Variants in RBFOX1 observed in about 807,000 individuals in gnomAD.
The protein encoded by RBFOX1 is RNA binding protein fox-1 homolog 1.
A neutral mutation model predicts 57.7 loss-of-function variants in RBFOX1; 8 were observed. That is an observed-to-expected ratio of 0.14 (90% CI 0.08 to 0.25). The LOEUF (loss-of-function observed/expected upper bound fraction) is 0.25, where lower values mean the gene tolerates loss of function less well. Ranked by LOEUF, RBFOX1 falls within the 10% of genes least tolerant of loss-of-function variation. RBFOX1 has a pLI of 1.00. For synonymous variants in RBFOX1, 326 were observed against 222.4 expected (o/e 1.47, Z -4.15); for missense variants, 611 against 548.5 (o/e 1.11, Z -1.14).
intron 3 of RBFOX1, among the ~76,000 whole-genome samples, chr16:6,766,331 G>T (rs1315210425): frequency 6.6e-6 from 1 of 151,886 alleles, no homozygotes; most frequent in Admixed American, 6.6e-5. Context: ...TTAATGTTCA[G>T]AGTGGAAAAG....
At chr16:6,602,656 A>G (rs2097867608) in intron 2 of RBFOX1, among the ~76,000 whole-genome samples, 1 of 152,122 alleles carries the variant, frequency 6.6e-6, no homozygotes, top group Non-Finnish European at 1.5e-5. Flanking sequence ...GTGGCCAGGT[A>G]CTCACTGATG....
At chr16:5,887,743 C>A (rs1597646417) in intron 4 of RBFOX1, among the ~76,000 whole-genome samples, 1 of 152,056 alleles carries the variant, frequency 6.6e-6, no homozygotes, top group African/African-American at 2.4e-5. Flanking sequence ...AATGTAGGGC[C>A]AGAGACAGGG....
chr16:5,831,879 C>A (rs1024175670), intron 3 of RBFOX1, among the ~76,000 whole-genome samples: 2 of 152,094 alleles, frequency 1.3e-5, no homozygotes, highest in South Asian at 4.1e-4. Context: ...GTGAATGACC[C>A]CATGCTTGGA....
At chr16:7,465,424 A>G (rs528976502) in intron 4 of RBFOX1, among the ~76,000 whole-genome samples, 2 of 152,326 alleles carry the variant, frequency 1.3e-5, no homozygotes, top group South Asian at 2.1e-4. Context: ...TGTAAGTGAA[A>G]TAGGTGTTTG....
intron 3 of RBFOX1, among the ~76,000 whole-genome samples, chr16:6,774,618 T>C (rs958681955): frequency 1.3e-5 from 2 of 152,166 alleles, no homozygotes; most frequent in African/African-American, 4.8e-5. Flanking sequence ...GAGTCATCTA[T>C]AGGAATTAAT....
At chr16:6,104,428 A>G (rs2096353203) in intron 1 of RBFOX1, among the ~76,000 whole-genome samples, 1 of 152,226 alleles carries the variant, frequency 6.6e-6, no homozygotes, top group African/African-American at 2.4e-5. Flanking sequence ...AAATGGTTTT[A>G]TAGAGGTATA....
At chr16:7,096,857 G>C (rs888483054) in intron 4 of RBFOX1, among the ~76,000 whole-genome samples, 3 of 150,700 alleles carry the variant, frequency 2.0e-5, no homozygotes, top group Non-Finnish European at 4.4e-5. Flanking sequence ...ACTTGAACCC[G>C]GGAGGCGGAG....
chr16:6,793,076 C>A (rs550189447), intron 3 of RBFOX1, among the ~76,000 whole-genome samples: 1 of 151,798 alleles, frequency 6.6e-6, no homozygotes, highest in South Asian at 2.1e-4. Flanking sequence ...CTGTTAGCCA[C>A]TTGGATGCTC....
intron 1 of RBFOX1, among the ~76,000 whole-genome samples, chr16:6,134,202 G>C (rs1168048493): frequency 1.3e-5 from 2 of 152,082 alleles, no homozygotes; most frequent in Non-Finnish European, 2.9e-5. Context: ...CTCCCAAAGT[G>C]TTGGGATTAC....
At chr16:7,205,473 A>G (rs902933493) in intron 4 of RBFOX1, among the ~76,000 whole-genome samples, 5 of 151,090 alleles carry the variant, frequency 3.3e-5, no homozygotes, top group Non-Finnish European at 5.9e-5. Context: ...AGATCATGCC[A>G]TTGCACTCCA....
chr16:5,469,466 G>C (rs906558361), intron 2 of RBFOX1, among the ~76,000 whole-genome samples: 1 of 152,190 alleles, frequency 6.6e-6, no homozygotes, highest in Non-Finnish European at 1.5e-5. Flanking sequence ...TACGCTGCCT[G>C]AGTGATGGCA....
chr16:7,052,049 C>G lies in RBFOX1; in HGVS notation c.-15-8C>G, dbSNP rs1393596003. On this transcript the variant is annotated splice_region_variant and splice_polypyrimidine_tract_variant and intron_variant, in intron 3 of 15. Coordinates refer to ENST00000550418, the MANE Select transcript of RBFOX1 (RefSeq NM_018723.4). ...TGACTTTTCCCCTTCATTTTCTTTT[C>G]TTTCTAGGTTTCAAGACAACAGATG... 6.2e-7 allele frequency: 1 copy of G among 1,611,320 alleles called. No homozygotes were observed. The highest frequency in any genetic ancestry group is 8.5e-7 in the Non-Finnish European group (1 of 1,178,880).
intron 1 of RBFOX1, among the ~76,000 whole-genome samples, chr16:6,052,807 AATAAT>A (rs2095568838): frequency 1.4e-5 from 1 of 74,016 alleles, no homozygotes; most frequent in Non-Finnish European, 4.0e-5. Flanking sequence ...AATAAAATAT[AATAAT>A]AATAATAATA....
chr16:7,304,085 T>G, intron 4 of RBFOX1: 1 of 477,496 alleles, frequency 2.1e-6, no homozygotes, highest in Non-Finnish European at 2.7e-6. Flanking sequence ...CCCGCAAGTG[T>G]TTTAGTTGGA....
intron 1 of RBFOX1, among the ~76,000 whole-genome samples, chr16:6,283,048 C>A (rs2076555379): frequency 6.6e-6 from 1 of 152,174 alleles, no homozygotes; most frequent in Admixed American, 6.5e-5. Flanking sequence ...CTTACGCAAC[C>A]AAACATGGTG....
At position 6,019,905 on chromosome 16, in the gene RBFOX1, A is replaced by G. The variant is rs2095033119; in HGVS notation, c.-214A>G. The G allele has an allele frequency of 1.3e-6, 2 of 1,534,802 alleles. No homozygotes were observed. The highest frequency in any genetic ancestry group is 3.9e-5 in the Admixed American group (2 of 50,950). ...CTTCCGCCGCCTCCAGCTTATGGTG[A>G]GTGTGGCTGGGGGTGCAGAGAGCGC... On this transcript the variant is annotated 5_prime_UTR_variant, in exon 1 of 16. Coordinates refer to ENST00000550418, the MANE Select transcript of RBFOX1 (RefSeq NM_018723.4). The surrounding 1 kb of genome is among the most constrained non-coding windows in gnomAD (Gnocchi z 4.2).
chr16:6,020,060 A>C, intron 1 of RBFOX1, 68 bp downstream of exon 1: 220 of 1,356,814 alleles, frequency 1.6e-4, no homozygotes, highest in East Asian at 4.9e-4. Context: ...AGAAGGTCTC[A>C]TGGAGGGAAG....
At chr16:7,402,076 G>A (rs1442847354) in intron 4 of RBFOX1, among the ~76,000 whole-genome samples, 1 of 152,018 alleles carries the variant, frequency 6.6e-6, no homozygotes, top group Non-Finnish European at 1.5e-5. Context: ...ATGTTCCTCA[G>A]AGTCAGACTG....
At chr16:7,579,660 C>T (rs2093603135) in intron 5 of RBFOX1, 117 bp from the exon 6 acceptor site, 1 of 1,287,242 alleles carries the variant, frequency 7.8e-7, no homozygotes, top group Admixed American at 2.1e-5. Context: ...GCATTTTCTT[C>T]CCTTCTCAGA....
Sources: gnomAD v4.1 joint callset for allele counts (sites outside exome capture counted in the v4.1 genomes callset) on GRCh38, gnomAD v4.1.1 for gene constraint, Gnocchi (gnomAD v3.1) non-coding constraint, MANE v1.5 for transcripts, NCBI Gene and HGNC (gene_info 2026-07-23, HGNC 2026-07-21) for gene names.